Variants in DLG2 observed in about 807,000 individuals in gnomAD.
DLG2 encodes disks large homolog 2.
In DLG2, 45 loss-of-function variants were observed where a neutral mutation model predicts 132.5. The ratio of observed to expected loss-of-function variants is 0.34; its 90% CI spans 0.27 to 0.44. The LOEUF is 0.44. DLG2 is among the 20% of genes least tolerant of loss of function. The pLI is 1.00. For synonymous variants in DLG2, 424 were observed against 419.6 expected, an observed-to-expected ratio of 1.01 and a Z score of -0.13; for missense variants, 1,045 against 1,196.9, an observed-to-expected ratio of 0.87 and a Z score of 1.87.
At chr11:85,113,981 C>T (rs533493957) in intron 5 of DLG2, among the ~76,000 whole-genome samples, 1 of 152,026 alleles carries the variant, frequency 6.6e-6, no homozygotes, top group South Asian at 2.1e-4. Context: ...GATCCACAAC[C>T]ACTAGACTAG....
intron 21 of DLG2, among the ~76,000 whole-genome samples, chr11:83,491,146 G>GTT (rs5793064): frequency 3.5e-4 from 49 of 139,024 alleles, no homozygotes; most frequent in African/African-American, 1.1e-3. Context: ...TTTTTTTTCT[G>GTT]TTTTTTTTTT....
intron 11 of DLG2, 134 bp from the exon 12 acceptor site, chr11:83,980,776 A>C: frequency 1.2e-6 from 1 of 851,812 alleles, no homozygotes; most frequent in South Asian, 2.3e-5. Context: ...AATAACACTA[A>C]AAACTGTATT....
chr11:84,566,769 T>A (rs1250282086), intron 6 of DLG2, among the ~76,000 whole-genome samples: 1 of 152,174 alleles, frequency 6.6e-6, no homozygotes, highest in East Asian at 1.9e-4. Context: ...ACAGCTACAG[T>A]TCCTCTAACC....
At chr11:83,850,149 TGTGTGTGTGTG>T (rs1421362949) in intron 16 of DLG2, among the ~76,000 whole-genome samples, 15 of 133,566 alleles carry the variant, frequency 1.1e-4, no homozygotes, top group Non-Finnish European at 1.1e-4. Context: ...TGTGTGTGTG[TGTGTGTGTGTG>T]TTTTTTTACT....
rs2135942739 is a variant in DLG2 at position 83,459,638 on chromosome 11, C to T, written c.*180G>A. 1.9e-6 allele frequency: 1 copy of T among 527,672 alleles called. No individual in the cohort carries two copies. The highest frequency in any genetic ancestry group is 2.6e-5 in the South Asian group (1 of 37,826). 32.7% of individuals were successfully genotyped at this position (527,672 alleles called of 1,614,324 possible). A position where few individuals can be genotyped will look rare whatever the true frequency, so the allele number is the denominator to read the frequency against. On this transcript the variant is annotated 3_prime_UTR_variant, in exon 28 of 28. Transcript: ENST00000376104. ...ATACTGCAATGTCTTTTCTGTCCCA[C>T]CCTTTGGCCCCTCTGTTTCCTTCAT...
intron 6 of DLG2, among the ~76,000 whole-genome samples, chr11:84,736,396 C>G (rs1281560678): frequency 2.0e-5 from 3 of 151,506 alleles, no homozygotes; most frequent in Non-Finnish European, 4.4e-5. Flanking sequence ...TAGAATTAAC[C>G]TGTTAATTCT....
chr11:85,595,384 C>T (rs546296655), intron 3 of DLG2, among the ~76,000 whole-genome samples: 1 of 152,200 alleles, frequency 6.6e-6, no homozygotes, highest in East Asian at 1.9e-4. Flanking sequence ...AATTCCAATT[C>T]TCTTATATTC....
chr11:84,207,329 T>C (rs10792732), intron 8 of DLG2, among the ~76,000 whole-genome samples: 116,704 of 151,550 alleles, frequency 0.77, 47,180 homozygotes, highest in Middle Eastern at 0.92. Context: ...AGGGTCAAGA[T>C]AGCCAATACA....
At chr11:84,581,345 T>C (rs1392186849) in intron 6 of DLG2, among the ~76,000 whole-genome samples, 1 of 152,184 alleles carries the variant, frequency 6.6e-6, no homozygotes, top group Non-Finnish European at 1.5e-5. Flanking sequence ...GAAAATCTTA[T>C]CACTATATAC....
At position 84,754,023 on chromosome 11, in the gene DLG2, C is replaced by G. The variant is rs569901007; in HGVS notation, c.358-219292G>C. On this transcript the variant is annotated intron_variant, in intron 6 of 27. Transcript: ENST00000376104. ...GACTGAAGCTGCTTCAGTGGAACAG[C>G]AGGGAGAAAAGCTTAACCAAAGTGG... 3.3e-5 allele frequency among the ~76,000 whole-genome samples: 5 copies of G among 152,126 alleles called. No homozygotes were observed. The East Asian group carries it at 9.7e-4, about 29-fold the overall frequency.
At chr11:83,625,204 G>A (rs1286363086) in intron 19 of DLG2, among the ~76,000 whole-genome samples, 1 of 152,214 alleles carries the variant, frequency 6.6e-6, no homozygotes, top group Non-Finnish European at 1.5e-5. Flanking sequence ...CAGCCAACAT[G>A]TTGGGTCCAA....
chr11:83,909,533 G>C (rs994470009), intron 15 of DLG2, among the ~76,000 whole-genome samples: 9 of 152,158 alleles, frequency 5.9e-5, no homozygotes, highest in African/African-American at 9.6e-5. Context: ...TTTGGGAAAA[G>C]CCGTAAGGTC....
chr11:85,391,571 T>G (rs1209054603), intron 3 of DLG2, among the ~76,000 whole-genome samples: 1 of 152,090 alleles, frequency 6.6e-6, no homozygotes, highest in African/African-American at 2.4e-5. Flanking sequence ...CAACAGCTTA[T>G]GAAAAAGATC....
chr11:84,586,941 C>T (rs866575530), intron 6 of DLG2, among the ~76,000 whole-genome samples: 1 of 152,182 alleles, frequency 6.6e-6, no homozygotes, highest in African/African-American at 2.4e-5. Context: ...GGTTTCCCAC[C>T]TTGATGGGTT....
chr11:85,319,825 C>T (rs543493059), intron 3 of DLG2, among the ~76,000 whole-genome samples: 3 of 151,912 alleles, frequency 2.0e-5, no homozygotes, highest in Non-Finnish European at 3.0e-5. Flanking sequence ...TGATGACCTT[C>T]TCAATTGCAA....
rs1255659304 is a variant in DLG2, at chr11:85,021,486, C to T, written c.357+90175G>A. The T allele has an allele frequency of 4.8e-6, 7 of 1,449,942 alleles. No individual in the cohort carries two copies. In the South Asian group the frequency reaches 5.7e-5, roughly 12 times the overall value. The allele number at this position is 1,449,942 out of a possible 1,614,324, so 89.8% of individuals were successfully genotyped here. A position where few individuals can be genotyped will look rare whatever the true frequency, so the allele number is the denominator to read the frequency against. ...CCCGGGCATTTCTCTCATTAACATA[C>T]TGAAAGAAGGCAAAGCCGTTATGAA... On this transcript the variant is annotated intron_variant, in intron 6 of 27. Transcript: ENST00000376104.
At chr11:84,928,982 GTATATATA>G (rs58945482) in intron 6 of DLG2, among the ~76,000 whole-genome samples, 751 of 49,042 alleles carry the variant, frequency 0.015, 16 homozygotes, top group South Asian at 0.057. Context: ...GTGTGTGTGT[GTATATATA>G]TATATATATA....
chr11:85,523,683 A>G (rs759527635), intron 3 of DLG2, among the ~76,000 whole-genome samples: 2 of 152,180 alleles, frequency 1.3e-5, no homozygotes, highest in African/African-American at 2.4e-5. Flanking sequence ...ATTCCTCAAG[A>G]AACTAGAAAT....
At chr11:84,375,643 G>T (rs1378424541) in intron 7 of DLG2, among the ~76,000 whole-genome samples, 1 of 151,692 alleles carries the variant, frequency 6.6e-6, no homozygotes, top group African/African-American at 2.4e-5. Context: ...TAACCTAAAG[G>T]TTGCCTTTGG....
Sources: gnomAD v4.1 joint callset for allele counts (sites outside exome capture counted in the v4.1 genomes callset) on GRCh38, gnomAD v4.1.1 for gene constraint, MANE v1.5 for transcripts, NCBI Gene and HGNC (gene_info 2026-07-23, HGNC 2026-07-21) for gene names.